KDM3A: variants seen among roughly 807,000 people sequenced by gnomAD.
The protein encoded by KDM3A is lysine demethylase 3A, also known as lysine-specific demethylase 3A.
KDM3A carries 60 observed loss-of-function variants against 158.0 expected under a neutral mutation model. The observed-to-expected ratio is 0.38, with a 90% CI of 0.31 to 0.47. The LOEUF (loss-of-function observed/expected upper bound fraction) is 0.47, where lower values mean the gene tolerates loss of function less well. Ranked by LOEUF, KDM3A falls within the 20% of genes least tolerant of loss-of-function variation. The pLI is 0.99. For synonymous variants in KDM3A, 608 were observed against 549.3 expected, an observed-to-expected ratio of 1.11 and a Z score of -1.49; for missense variants, 1,319 against 1,574.3, an observed-to-expected ratio of 0.84 and a Z score of 2.74.
At chr2:86,472,130 T>C (rs953900570) in intron 11 of KDM3A, among the ~76,000 whole-genome samples, 2 of 149,890 alleles carry the variant, frequency 1.3e-5, no homozygotes, top group African/African-American at 5.0e-5. Flanking sequence ...TAATTTTTTT[T>C]TCTTTCTTTT....
rs777645874 is a variant in KDM3A at position 86,456,578 on chromosome 2, A to G, written c.681+12A>G. 2 of 1,600,256 alleles carry G rather than the reference A, an allele frequency of 1.2e-6. No homozygotes were observed. Among genetic ancestry groups the G allele is most frequent in the African/African-American group, 2.7e-5 (2 of 73,886 alleles). On this transcript the variant is annotated intron_variant, in intron 6 of 25. Coordinates refer to ENST00000312912, the MANE Select transcript of KDM3A (RefSeq NM_018433.6). ...TCAACTGTGAGGAGGTAAAGACAAC[A>G]ATAACTCTTTGTAAGATAACTCGAC... is the stretch of plus-strand genomic sequence containing the variant.
rs201724307 is a variant in KDM3A at position 86,449,929 on chromosome 2, A to C, written c.309A>C (p.Glu103Asp). The change falls in exon 3 of 26, where the codon GAA becomes GAC. Residue 103 changes from glutamate to aspartate, a missense_variant. This residue lies in a region of KDM3A where 652 missense variants were observed against 627.2 expected (regional missense o/e 1.04). Coordinates refer to ENST00000312912, the MANE Select transcript of KDM3A (RefSeq NM_018433.6). Reference protein sequence around the residue: ...NLVLAERKSPEISERIVQWPA... With the variant: ...NLVLAERKSPDISERIVQWPA... ...TTTTAGCTGAACGAAAGTCACCTGA[A>C]ATTTCTGAACGAATTGTACAGTGGC... 2.4e-5 allele frequency: 38 copies of C among 1,613,722 alleles called. No homozygotes were observed. The East Asian group carries it at 4.0e-4, about 17-fold the overall frequency.
At chr2:86,471,196 A>G (rs916462975) in intron 11 of KDM3A, among the ~76,000 whole-genome samples, 9 of 151,886 alleles carry the variant, frequency 5.9e-5, no homozygotes, top group Non-Finnish European at 1.2e-4. Flanking sequence ...TTCCAATTTT[A>G]TAGGCAAAAT....
At chr2:86,474,742 T>TGTGTGTGTAA in intron 11 of KDM3A, 34 bp from the exon 12 acceptor site, 35 of 1,083,078 alleles carry the variant, frequency 3.2e-5, no homozygotes, top group Non-Finnish European at 4.5e-5. Context: ...TGTGTGTGTG[T>TGTGTGTGTAA]ACATTACATC....
At chr2:86,489,762 C>G in intron 23 of KDM3A, 103 bp downstream of exon 23, 1 of 1,306,982 alleles carries the variant, frequency 7.7e-7, no homozygotes. Flanking sequence ...TTGTCACAAC[C>G]TGAAAAGTTA....
chr2:86,448,434 T>A (rs753748508), intron 2 of KDM3A, among the ~76,000 whole-genome samples: 4 of 152,244 alleles, frequency 2.6e-5, no homozygotes, highest in Non-Finnish European at 5.9e-5. Context: ...ACTAGTGATA[T>A]ACAGTTGTAA....
Position 86,456,886 on chromosome 2 carries a change from T to C in KDM3A, c.754+9T>C, listed in dbSNP as rs200901071. The C allele has an allele frequency of 1.6e-5, 26 of 1,604,494 alleles. No homozygotes were observed. The highest frequency in any genetic ancestry group is 2.2e-5 in the South Asian group (2 of 90,504). On this transcript the variant is annotated intron_variant, in intron 7 of 25. Coordinates refer to ENST00000312912, the MANE Select transcript of KDM3A (RefSeq NM_018433.6). ...TAACCTTGTGACATGTGGTAAGATATGTTATTAAAATCTTTCTTCTCCTTC... is the reference window on the plus strand; with the variant it reads ...TAACCTTGTGACATGTGGTAAGATACGTTATTAAAATCTTTCTTCTCCTTC...
chr2:86,441,374 T>A lies in KDM3A; in HGVS notation c.-101T>A, dbSNP rs1490488239. 6.6e-6 allele frequency: 1 copy of A among 152,218 alleles called. No homozygotes were observed. Among genetic ancestry groups the A allele is most frequent in the African/African-American group, 2.4e-5 (1 of 41,434 alleles). The allele number at this position is 152,218 out of a possible 1,614,324, so 9.4% of individuals were successfully genotyped here. A position where few individuals can be genotyped will look rare whatever the true frequency, so the allele number is the denominator to read the frequency against. ...GTCTTGTGAGAGCTCTTGAACCAAG[T>A]CAGCGCTGGAGTCGGCTAGGCGGCT... On this transcript the variant is annotated 5_prime_UTR_variant, in exon 1 of 26. Transcript: ENST00000312912.
intron 4 of KDM3A, among the ~76,000 whole-genome samples, chr2:86,452,034 A>G (rs1218351768): frequency 6.6e-6 from 1 of 152,330 alleles, no homozygotes; most frequent in African/African-American, 2.4e-5. Flanking sequence ...GTGGTGGTTC[A>G]TGGTCATTCA....
chr2:86,450,281 T>TA (rs919447064), intron 3 of KDM3A, among the ~76,000 whole-genome samples: 7 of 152,200 alleles, frequency 4.6e-5, no homozygotes, highest in Non-Finnish European at 8.8e-5. Flanking sequence ...TTGCCTACTT[T>TA]AAAAAATGTG....
chr2:86,463,034 T>A (rs1437434051), intron 8 of KDM3A, among the ~76,000 whole-genome samples: 1 of 152,154 alleles, frequency 6.6e-6, no homozygotes, highest in Non-Finnish European at 1.5e-5. Flanking sequence ...GAGGTTGCAA[T>A]GAACCAAGAT....
intron 12 of KDM3A, among the ~76,000 whole-genome samples, chr2:86,476,585 C>G (rs1330153600): frequency 1.3e-5 from 2 of 152,180 alleles, no homozygotes; most frequent in African/African-American, 2.4e-5. Context: ...GGGAGCAGAT[C>G]TCGACTATTA....
intron 11 of KDM3A, among the ~76,000 whole-genome samples, chr2:86,472,520 A>T (rs1278190429): frequency 6.6e-6 from 1 of 152,118 alleles, no homozygotes; most frequent in Admixed American, 6.5e-5. Context: ...ATGCTTTCAA[A>T]TTTATTTTTT....
chr2:86,456,463 C>G lies in KDM3A; in HGVS notation c.578C>G (p.Ser193Ter). The change falls in exon 6 of 26, where the codon TCA becomes TGA. Residue 193 changes from serine (S) to a stop codon, truncating the protein, a stop_gained. Transcript: ENST00000312912. LOFTEE classifies it high-confidence loss of function. ...LLKGDKNLVG[S>*]EVKIYSLDPS... is the part of the protein sequence containing the mutation. Reference sequence around the variant, plus strand: ...TAAGGTGACAAAAACTTAGTTGGTTCAGAAGTAAAAATTTATAGCTTGGAC... The same window carrying G: ...TAAGGTGACAAAAACTTAGTTGGTTGAGAAGTAAAAATTTATAGCTTGGAC... 1 of 1,400,024 alleles carries G rather than the reference C, an allele frequency of 7.1e-7. No homozygotes were observed. Among genetic ancestry groups the G allele is most frequent in the Non-Finnish European group, 9.5e-7 (1 of 1,050,896 alleles). The allele number at this position is 1,400,024 out of a possible 1,614,324, so 86.7% of individuals were successfully genotyped here.
Position 86,491,161 on chromosome 2 carries a change from C to T in KDM3A, c.3771C>T (p.Cys1257=), listed in dbSNP as rs1674436760. The T allele has an allele frequency of 6.2e-7, 1 of 1,613,852 alleles. No individual in the cohort carries two copies. Among genetic ancestry groups the T allele is most frequent in the Non-Finnish European group, 8.5e-7 (1 of 1,179,902 alleles). The change falls in exon 25 of 26, where the codon TGC becomes TGT. Residue 1257 remains cysteine (C), a synonymous_variant. Transcript: ENST00000312912. The part of the protein sequence containing the change: ...APHQVHNLYS[C]IKVAEDFVSP... ...TTCAGGTTCATAACTTATATAGCTG[C>T]ATCAAAGTGGCTGAAGATTTTGTTT... is the stretch of plus-strand genomic sequence containing the variant.
chr2:86,453,666 C>T (rs1397553838), intron 4 of KDM3A, among the ~76,000 whole-genome samples: 1 of 152,066 alleles, frequency 6.6e-6, no homozygotes, highest in African/African-American at 2.4e-5. Context: ...TTTGAAATTG[C>T]ATAAACAATA....
Position 86,484,948 on chromosome 2 carries a change from T to C in KDM3A, c.3101T>C (p.Leu1034Ser). The C allele has an allele frequency of 6.3e-7, 1 of 1,599,566 alleles. No homozygotes were observed. The highest frequency in any genetic ancestry group is 1.7e-5 in the Admixed American group (1 of 59,890). Residue 1034 changes from leucine to serine, a missense_variant, in exon 20 of 26, where the codon TTG (leucine) becomes TCG (serine). Physicochemically the swap from Leu to Ser is moderately radical, Grantham distance 145. Around this residue, in one of 4 missense-constraint regions of KDM3A, gnomAD observed 368 missense variants for 415.8 expected, o/e 0.89. Transcript: ENST00000312912. ...WDGFEDVPNR[L>S]KNEKEPMVLK... is the part of the protein sequence containing the mutation. ...CATTCTGTTTACCTTTCAGATCGTTTGAAAAATGAAAAAGAACCAATGGTG... is the reference window on the plus strand; with the variant it reads ...CATTCTGTTTACCTTTCAGATCGTTCGAAAAATGAAAAAGAACCAATGGTG...
In KDM3A at chr2:86,489,308, G is replaced by GT. The variant is rs768306639; in HGVS notation, c.3314-5dup. 3.1e-6 allele frequency: 5 copies of GT among 1,611,268 alleles called. No homozygotes were observed. In the East Asian group the frequency reaches 1.1e-4, roughly 36 times the overall value. On this transcript the variant is annotated splice_polypyrimidine_tract_variant and intron_variant, in intron 21 of 25. Transcript: ENST00000312912. ...TCTTTTGTAAAACTTAAGGCACTTT[G>GT]TTTTTGCAGGATTAATCACTCCTGA...
At position 86,484,082 on chromosome 2, in the gene KDM3A, A is replaced by G. The variant is rs199894923; in HGVS notation, c.3018A>G (p.Leu1006=). The G allele has an allele frequency of 8.2e-5, 133 of 1,613,806 alleles. No homozygotes were observed. Among genetic ancestry groups the G allele is most frequent in the Non-Finnish European group, 4.1e-5 (48 of 1,179,834 alleles). The change falls in exon 19 of 26, where the codon CTA becomes CTG. Residue 1006 remains leucine, a synonymous_variant. Transcript: ENST00000312912. ...RKEFGEQEVD[L]VNCRTNEIIT... is the part of the protein sequence containing the mutation. ...AGTTTGGTGAGCAGGAAGTAGACCT[A>G]GTTAATTGTAGGACCAATGAAATCA...
Sources: gnomAD v4.1 joint callset for allele counts (sites outside exome capture counted in the v4.1 genomes callset) on GRCh38, gnomAD v4.1.1 for gene constraint, gnomAD v4.1.1 regional missense constraint, MANE v1.5 for transcripts, NCBI Gene and HGNC (gene_info 2026-07-23, HGNC 2026-07-21) for gene names.